UBR1: variants seen among roughly 807,000 people sequenced by gnomAD.
UBR1 encodes the protein ubiquitin protein ligase E3 component n-recognin 1, also known as E3 ubiquitin-protein ligase UBR1.
In UBR1, 102 loss-of-function variants were observed where a neutral mutation model predicts 242.1. The observed-to-expected ratio is 0.42, with a 90% CI of 0.36 to 0.50. UBR1 has a LOEUF of 0.50. Among genes scored for constraint, UBR1 ranks in the 20% least tolerant of loss-of-function variants. UBR1 has a pLI of 0.01. For synonymous variants in UBR1, 675 were observed against 684.8 expected (o/e 0.99, Z 0.22); for missense variants, 1,772 against 2,101.8 (o/e 0.84, Z 3.07).
chr15:42,980,224 T>A (rs1284748286), intron 37 of UBR1, among the ~76,000 whole-genome samples: 2 of 152,240 alleles, frequency 1.3e-5, no homozygotes, highest in African/African-American at 4.8e-5. Flanking sequence ...AAATGATTTT[T>A]CTTTCCCTGA....
At chr15:42,955,186 C>G (rs1283821396) in intron 44 of UBR1, among the ~76,000 whole-genome samples, 1 of 151,954 alleles carries the variant, frequency 6.6e-6, no homozygotes, top group Non-Finnish European at 1.5e-5. Context: ...CAAAACAAAA[C>G]AAAAACAAAT....
intron 12 of UBR1, among the ~76,000 whole-genome samples, chr15:43,054,350 C>CA (rs59437906): frequency 2.2e-4 from 29 of 134,450 alleles, no homozygotes; most frequent in South Asian, 4.7e-4. Context: ...GACCCTGTCT[C>CA]AAAAAAAAAA....
At chr15:43,021,767 T>A (rs2033113975) in intron 26 of UBR1, among the ~76,000 whole-genome samples, 1 of 152,232 alleles carries the variant, frequency 6.6e-6, no homozygotes, top group South Asian at 2.1e-4. Context: ...GTCAATTATG[T>A]CTTCATAATT....
chr15:43,067,091 A>C (rs2033762655), intron 6 of UBR1, among the ~76,000 whole-genome samples: 1 of 152,238 alleles, frequency 6.6e-6, no homozygotes. Context: ...AGAGATAATA[A>C]TATGAGTATC....
At position 43,036,704 on chromosome 15, in the gene UBR1, C is replaced by T. The variant is rs1394740773; in HGVS notation, c.2023-111G>A. On this transcript the variant is annotated intron_variant, in intron 17 of 46. Coordinates refer to ENST00000290650, the MANE Select transcript of UBR1 (RefSeq NM_174916.3). ...TCTAAGCTAGAAACCCCTCAAAATC[C>T]TTAGTGGCAAAAATAAGTTGTAAAT... is the stretch of plus-strand genomic sequence containing the variant. 5.6e-6 allele frequency: 4 copies of T among 710,320 alleles called. No homozygotes were observed. In the East Asian group the frequency reaches 7.8e-5, roughly 14 times the overall value. 44.0% of individuals were successfully genotyped at this position (710,320 alleles called of 1,614,324 possible).
At chr15:43,068,184 ATTTT>A (rs545130203) in intron 5 of UBR1, 148 bp from the exon 6 acceptor site, 1,330 of 252,874 alleles carry the variant, frequency 5.3e-3, no homozygotes, top group South Asian at 9.5e-3. Context: ...ATAGAATTTG[ATTTT>A]TTTTTTTTTT....
intron 45 of UBR1, among the ~76,000 whole-genome samples, chr15:42,951,518 C>T (rs1049667196): frequency 4.6e-5 from 7 of 152,136 alleles, no homozygotes; most frequent in Admixed American, 3.3e-4. Context: ...CCACCGCGCC[C>T]GGCCATAAGT....
chr15:43,055,890 G>A (rs759070328), intron 11 of UBR1, among the ~76,000 whole-genome samples: 3 of 152,108 alleles, frequency 2.0e-5, no homozygotes, highest in Non-Finnish European at 2.9e-5. Flanking sequence ...ACTCCAGCCA[G>A]GGCAACCCAG....
intron 1 of UBR1, among the ~76,000 whole-genome samples, chr15:43,094,012 C>T (rs1489130013): frequency 1.3e-5 from 2 of 152,090 alleles, no homozygotes; most frequent in Non-Finnish European, 2.9e-5. Flanking sequence ...TTGGCCAGCC[C>T]TAAAGACATG....
chr15:42,997,650 T>C (rs1158256331), intron 33 of UBR1, among the ~76,000 whole-genome samples: 1 of 152,232 alleles, frequency 6.6e-6, no homozygotes, highest in Non-Finnish European at 1.5e-5. Flanking sequence ...ATTACAAACA[T>C]TACTAACCAC....
At chr15:43,071,068 G>C (rs939961593) in intron 4 of UBR1, 143 bp from the exon 5 acceptor site, 126 of 1,176,724 alleles carry the variant, frequency 1.1e-4, no homozygotes, top group Non-Finnish European at 1.1e-4. Flanking sequence ...GCTCAAGAGG[G>C]TTGCTATATA....
intron 3 of UBR1, among the ~76,000 whole-genome samples, chr15:43,081,751 C>T (rs1199228002): frequency 6.6e-6 from 1 of 151,890 alleles, no homozygotes; most frequent in Admixed American, 6.6e-5. Context: ...AGTTTTTTTG[C>T]TCAGTCTATC....
At chr15:43,081,731 T>TA (rs2033977200) in intron 3 of UBR1, among the ~76,000 whole-genome samples, 2 of 152,048 alleles carry the variant, frequency 1.3e-5, no homozygotes, top group Admixed American at 6.5e-5. Flanking sequence ...TTAAGATGTA[T>TA]GTTTGGCAAA....
chr15:43,102,180 C>T (rs1248558051), intron 1 of UBR1, among the ~76,000 whole-genome samples: 2 of 152,086 alleles, frequency 1.3e-5, no homozygotes, highest in Admixed American at 6.6e-5. Flanking sequence ...TTACCTTTTG[C>T]CTCATGCCTA....
At chr15:42,967,097 A>G (rs1040965146) in intron 40 of UBR1, among the ~76,000 whole-genome samples, 5 of 151,390 alleles carry the variant, frequency 3.3e-5, no homozygotes, top group African/African-American at 9.7e-5. Flanking sequence ...TTGTATTTTT[A>G]GTGGAGACAG....
At chr15:43,002,079 T>TA (rs757060963) in intron 32 of UBR1, among the ~76,000 whole-genome samples, 2 of 152,208 alleles carry the variant, frequency 1.3e-5, no homozygotes, top group Non-Finnish European at 2.9e-5. Flanking sequence ...CTAGTTCTCT[T>TA]AGAGTCCAAA....
chr15:43,098,370 C>A (rs149525566), intron 1 of UBR1, among the ~76,000 whole-genome samples: 3 of 152,090 alleles, frequency 2.0e-5, no homozygotes, highest in African/African-American at 7.2e-5. Flanking sequence ...CACAATGACA[C>A]GAAGTGAGCA....
intron 32 of UBR1, among the ~76,000 whole-genome samples, chr15:42,999,238 C>T (rs929241360): frequency 6.6e-6 from 1 of 152,168 alleles, no homozygotes; most frequent in Non-Finnish European, 1.5e-5. Context: ...CACACCCAAC[C>T]GAGCCTTTGC....
chr15:42,955,680 T>C (rs1380338588), intron 44 of UBR1, among the ~76,000 whole-genome samples: 1 of 152,166 alleles, frequency 6.6e-6, no homozygotes, highest in Non-Finnish European at 1.5e-5. Context: ...GATTCAAATA[T>C]GAAGTATTCA....
Sources: gnomAD v4.1 joint callset for allele counts (sites outside exome capture counted in the v4.1 genomes callset) on GRCh38, gnomAD v4.1.1 for gene constraint, MANE v1.5 for transcripts, NCBI Gene and HGNC (gene_info 2026-07-23, HGNC 2026-07-21) for gene names.